MAP2K5: variants seen among roughly 807,000 people sequenced by gnomAD.
MAP2K5 encodes mitogen-activated protein kinase kinase 5, also known as dual specificity mitogen-activated protein kinase kinase 5.
In MAP2K5, 49 loss-of-function variants were observed where a neutral mutation model predicts 83.1. That is an observed-to-expected ratio of 0.59 (90% CI 0.47 to 0.75). The LOEUF (loss-of-function observed/expected upper bound fraction) is 0.75. MAP2K5 is among the 30% of genes least tolerant of loss of function. The pLI is 0.00. For synonymous variants in MAP2K5, 202 were observed against 191.8 expected (o/e 1.05, Z -0.44); for missense variants, 457 against 557.5 (o/e 0.82, Z 1.82).
chr15:67,735,424 T>C (rs2089318367), intron 17 of MAP2K5, among the ~76,000 whole-genome samples: 1 of 152,274 alleles, frequency 6.6e-6, no homozygotes, highest in Non-Finnish European at 1.5e-5. Context: ...TAGTACCTTC[T>C]ACACTATTGT....
At chr15:67,616,025 C>T (rs942813994) in intron 8 of MAP2K5, among the ~76,000 whole-genome samples, 1 of 152,164 alleles carries the variant, frequency 6.6e-6, no homozygotes, top group Admixed American at 6.5e-5. Flanking sequence ...TTAACCCCCT[C>T]GATTTCTACC....
rs1211960304 is a variant in MAP2K5, at chr15:67,715,219, C to CT, written c.1044+11819dup. On this transcript the variant is annotated intron_variant, in intron 16 of 21. Transcript: ENST00000178640. ...TTCTGTCTTGATTTTTTTCCACTGTCTTTTTTTTGGGCGGGGAGGGGGGGG... is the reference window on the plus strand; with the variant it reads ...TTCTGTCTTGATTTTTTTCCACTGTCTTTTTTTTTGGGCGGGGAGGGGGGGG... Among the ~76,000 whole-genome samples the CT allele has an allele frequency of 3.6e-5, 5 of 137,004 alleles. No individual in the cohort carries two copies. The South Asian group carries it at 9.6e-4, about 26-fold the overall frequency. 89.9% of individuals were successfully genotyped at this position (137,004 alleles called of 152,430 possible).
At chr15:67,585,739 A>G in intron 4 of MAP2K5, 151 bp from the exon 5 acceptor site, 1 of 640,968 alleles carries the variant, frequency 1.6e-6, no homozygotes, top group South Asian at 1.8e-5. Context: ...ACCCTGGTTC[A>G]TAATTCCCAC....
At chr15:67,740,150 G>A (rs1000169099) in intron 17 of MAP2K5, among the ~76,000 whole-genome samples, 1 of 152,134 alleles carries the variant, frequency 6.6e-6, no homozygotes, top group Non-Finnish European at 1.5e-5. Context: ...CCTTTAATAA[G>A]TCACTCATTT....
chr15:67,697,620 A>C (rs2088298836), intron 15 of MAP2K5, among the ~76,000 whole-genome samples: 1 of 152,232 alleles, frequency 6.6e-6, no homozygotes, highest in South Asian at 2.1e-4. Context: ...GAATTAGTTC[A>C]CGAAAGCTGC....
rs148513612 is a variant in MAP2K5, at chr15:67,759,383, A to G, written c.1135-10219A>G. 6.6e-5 allele frequency among the ~76,000 whole-genome samples: 10 copies of G among 151,784 alleles called. 1 individual carries two copies. Among genetic ancestry groups the G allele is most frequent in the African/African-American group, 2.4e-4 (10 of 41,384 alleles). ...AGACCAGACCTGGCAACATGGTGAG[A>G]CCCGATCTCTACAAAAAAAAACAAA... On this transcript the variant is annotated intron_variant, in intron 19 of 21. Transcript: ENST00000178640.
rs534710312 is a variant in MAP2K5, at chr15:67,636,543, C to CT, written c.585+5624dup. On this transcript the variant is annotated intron_variant, in intron 9 of 21. Coordinates refer to ENST00000178640, the MANE Select transcript of MAP2K5 (RefSeq NM_145160.3). The surrounding 1 kb of genome is among the most constrained non-coding windows in gnomAD (Gnocchi z 4.7). Reference sequence around the variant, plus strand: ...TCCTCACTTTGGGTTGTATTTTTCACTTTTTTTTCATATCTTATAATTTTT... The same window carrying CT: ...TCCTCACTTTGGGTTGTATTTTTCACTTTTTTTTTCATATCTTATAATTTTT... 2.0e-4 allele frequency among the ~76,000 whole-genome samples: 31 copies of CT among 151,586 alleles called. No homozygotes were observed. The highest frequency in any genetic ancestry group is 3.7e-4 in the Non-Finnish European group (25 of 67,876).
intron 17 of MAP2K5, among the ~76,000 whole-genome samples, chr15:67,735,629 A>G (rs2089322982): frequency 6.6e-6 from 1 of 152,230 alleles, no homozygotes; most frequent in Admixed American, 6.5e-5. Context: ...TCTGACCTCA[A>G]GAGGAAAAGG....
Position 67,635,798 on chromosome 15 carries a change from T to C in MAP2K5, c.585+4871T>C, listed in dbSNP as rs146095610. ...TTAAAGATTTTGTTTCACTGTTTTC[T>C]TTCTTTCCAGTGAGAAGTTTACTGT... On this transcript the variant is annotated intron_variant, in intron 9 of 21. Transcript: ENST00000178640. Among the ~76,000 whole-genome samples the C allele has an allele frequency of 1.3e-4, 20 of 152,334 alleles. No homozygotes were observed. In the East Asian group the frequency reaches 3.9e-3, roughly 29 times the overall value.
intron 16 of MAP2K5, among the ~76,000 whole-genome samples, chr15:67,714,395 C>A (rs1018987033): frequency 1.8e-5 from 2 of 112,028 alleles, no homozygotes; most frequent in African/African-American, 6.7e-5. Context: ...TTTCCCCCCA[C>A]CCCTACCCAG....
intron 11 of MAP2K5, among the ~76,000 whole-genome samples, chr15:67,649,021 G>T (rs1486874827): frequency 2.6e-5 from 4 of 152,172 alleles, no homozygotes; most frequent in Non-Finnish European, 4.4e-5. Flanking sequence ...ACTGTATAAG[G>T]TTCCATTTTC....
At chr15:67,729,068 AT>A (rs1377441695) in intron 17 of MAP2K5, among the ~76,000 whole-genome samples, 2 of 152,334 alleles carry the variant, frequency 1.3e-5, no homozygotes, top group East Asian at 3.9e-4. Flanking sequence ...TTTTGTTTAA[AT>A]GTAATCTTTT....
rs1596591652 is a variant in MAP2K5, at chr15:67,580,832, G to C, written c.322+9G>C. On this transcript the variant is annotated intron_variant, in intron 4 of 21. Transcript: ENST00000178640. ...GCAGATATTTCCAAGAGGTAATGTT[G>C]AGCAAATTCTAATCAACAATGATTA... The C allele has an allele frequency of 1.8e-5, 29 of 1,573,520 alleles. 1 individual carries two copies. The highest frequency in any genetic ancestry group is 1.2e-4 in the Admixed American group (7 of 59,866).
chr15:67,583,446 A>G (rs2085224922), intron 4 of MAP2K5, among the ~76,000 whole-genome samples: 1 of 152,170 alleles, frequency 6.6e-6, no homozygotes, highest in African/African-American at 2.4e-5. Context: ...AATATTTCAG[A>G]ATATGAGACT....
chr15:67,543,557 C>A lies in MAP2K5; in HGVS notation c.135+87C>A. 6.6e-7 allele frequency: 1 copy of A among 1,505,918 alleles called. No individual in the cohort carries two copies. The highest frequency in any genetic ancestry group is 9.2e-7 in the Non-Finnish European group (1 of 1,091,490). 93.3% of individuals were successfully genotyped at this position (1,505,918 alleles called of 1,614,324 possible). Reference sequence around the variant, plus strand: ...CACCTTGACCACTGGTGACCTGAGCCAGTGGCAATGGCTACTGCTGGCTTC... The same window carrying A: ...CACCTTGACCACTGGTGACCTGAGCAAGTGGCAATGGCTACTGCTGGCTTC... On this transcript the variant is annotated intron_variant, in intron 1 of 21. Transcript: ENST00000178640. The surrounding 1 kb of genome is among the most constrained non-coding windows in gnomAD (Gnocchi z 4.3).
In MAP2K5 at chr15:67,572,578, C is replaced by T. The variant is rs573721961; in HGVS notation, c.253-8176C>T. On this transcript the variant is annotated intron_variant, in intron 3 of 21. Coordinates refer to ENST00000178640, the MANE Select transcript of MAP2K5 (RefSeq NM_145160.3). This position sits in a 1 kb window ranked among gnomAD's most constrained non-coding sequence, Gnocchi z 4.2. ...TAGGAGGATGAATGTGCCCACCCTACGTATGATGTTTGTTTATGTATAGGA... is the reference window on the plus strand; with the variant it reads ...TAGGAGGATGAATGTGCCCACCCTATGTATGATGTTTGTTTATGTATAGGA... 1.5e-3 allele frequency among the ~76,000 whole-genome samples: 234 copies of T among 152,174 alleles called. 2 individuals are homozygous for T. The highest frequency in any genetic ancestry group is 5.3e-3 in the African/African-American group (220 of 41,490).
chr15:67,569,810 G>T (rs983865120), intron 3 of MAP2K5, among the ~76,000 whole-genome samples: 1 of 152,214 alleles, frequency 6.6e-6, no homozygotes, highest in Non-Finnish European at 1.5e-5. Flanking sequence ...TCATTTATAT[G>T]GCTCTGCTCC....
chr15:67,726,268 A>G (rs1406350920), intron 16 of MAP2K5, among the ~76,000 whole-genome samples: 1 of 152,206 alleles, frequency 6.6e-6, no homozygotes, highest in African/African-American at 2.4e-5. Context: ...ACGAGGTCAT[A>G]ATGTTTATTC....
chr15:67,806,473 C>T lies in MAP2K5; in HGVS notation c.1243-173C>T, dbSNP rs112909477. Reference sequence around the variant, plus strand: ...TGCTGACTACCAGTATGTCACTGCTCGTCCCTGGGCCTCAATTATCTAGGC... The same window carrying T: ...TGCTGACTACCAGTATGTCACTGCTTGTCCCTGGGCCTCAATTATCTAGGC... On this transcript the variant is annotated intron_variant, in intron 21 of 21. Transcript: ENST00000178640. Among the ~76,000 whole-genome samples the T allele has an allele frequency of 3.9e-5, 6 of 152,326 alleles. No individual in the cohort carries two copies. The East Asian group carries it at 7.7e-4, about 20-fold the overall frequency.
Sources: allele counts gnomAD v4.1 joint callset (sites outside exome capture counted in the v4.1 genomes callset), GRCh38; gene constraint gnomAD v4.1.1; non-coding constraint Gnocchi (gnomAD v3.1); transcripts MANE v1.5; gene names NCBI Gene and HGNC (gene_info 2026-07-23, HGNC 2026-07-21).